Variants in NSD1 observed in about 807,000 individuals in gnomAD.
The protein encoded by NSD1 is nuclear receptor binding SET domain protein 1, also known as histone-lysine N-methyltransferase, H3 lysine-36 specific.
Under a neutral mutation model 242.7 loss-of-function variants are expected in NSD1, and 26 were observed. That is an observed-to-expected ratio of 0.11 (90% CI 0.08 to 0.15). NSD1 has a LOEUF of 0.15. NSD1 is among the 10% of genes least tolerant of loss of function. NSD1 has a pLI of 1.00. For missense variants in NSD1, 2,495 were observed against 3,272.8 expected (o/e 0.76, Z 5.80); for synonymous variants, 1,106 against 1,178.1 (o/e 0.94, Z 1.25).
chr5:177,267,517 C>G lies in NSD1; in HGVS notation c.5147-45C>G, dbSNP rs201065957. On this transcript the variant is annotated intron_variant, in intron 14 of 22. Coordinates refer to ENST00000439151, the MANE Select transcript of NSD1 (RefSeq NM_022455.5). ...TGTGTATGGATGTACACATACATGA[C>G]TTGCAGTCTTGTGATCTGAATGCCA... 957 of 1,572,652 alleles carry G rather than the reference C, an allele frequency of 6.1e-4. 6 individuals carry two copies. Among genetic ancestry groups the G allele is most frequent in the African/African-American group, 1.2e-3 (90 of 74,250 alleles).
intron 4 of NSD1, among the ~76,000 whole-genome samples, chr5:177,207,805 C>T (rs964737236): frequency 1.3e-5 from 2 of 151,362 alleles, no homozygotes; most frequent in African/African-American, 2.4e-5. Flanking sequence ...TGCAGTGGCA[C>T]GGTTTCGGCA....
intron 3 of NSD1, among the ~76,000 whole-genome samples, chr5:177,200,863 T>C (rs1362566252): frequency 6.6e-6 from 1 of 152,188 alleles, no homozygotes; most frequent in African/African-American, 2.4e-5. Flanking sequence ...CTGAACAGTG[T>C]TTCTATAAAC....
chr5:177,169,170 G>T (rs1759481610), intron 2 of NSD1, among the ~76,000 whole-genome samples: 1 of 152,112 alleles, frequency 6.6e-6, no homozygotes, highest in Admixed American at 6.6e-5. Flanking sequence ...CCTTTTTTTG[G>T]TGCAAGTTTG....
Position 177,259,985 on chromosome 5 carries a change from T to G in NSD1, c.4967-4T>G, listed in dbSNP as rs768460967. 1.9e-6 allele frequency: 3 copies of G among 1,614,226 alleles called. No individual in the cohort carries two copies. The South Asian group carries it at 3.3e-5, about 18-fold the overall frequency. On this transcript the variant is annotated splice_region_variant and splice_polypyrimidine_tract_variant and intron_variant, in intron 13 of 22. Coordinates refer to ENST00000439151, the MANE Select transcript of NSD1 (RefSeq NM_022455.5). ...TTTGCTTGTCCCTGATTTTCCTGCT[T>G]TAGGTCGGTTGATGCGCTGTGTCCG...
chr5:177,237,394 T>C (rs929934152), intron 6 of NSD1, among the ~76,000 whole-genome samples: 6 of 151,908 alleles, frequency 3.9e-5, no homozygotes, highest in Non-Finnish European at 5.9e-5. Flanking sequence ...ATTGGAGACA[T>C]TAGAGCAGTC....
At position 177,278,764 on chromosome 5, in the gene NSD1, G is replaced by A. The variant is rs145321523; in HGVS notation, c.5623-1801G>A. Among the ~76,000 whole-genome samples, 421 of 152,304 alleles carry A rather than the reference G, an allele frequency of 2.8e-3. 3 individuals carry two copies. Among genetic ancestry groups the A allele is most frequent in the African/African-American group, 9.5e-3 (396 of 41,546 alleles). On this transcript the variant is annotated intron_variant, in intron 17 of 22. Coordinates refer to ENST00000439151, the MANE Select transcript of NSD1 (RefSeq NM_022455.5). ...TTCAAAATCACACAGTTCCTGAACA[G>A]TCAAAATTTTTTGTGCGGTTTGTGT...
chr5:177,208,485 TTC>T (rs1763070128), intron 4 of NSD1, among the ~76,000 whole-genome samples: 1 of 151,878 alleles, frequency 6.6e-6, no homozygotes, highest in African/African-American at 2.4e-5. Flanking sequence ...TAACCTTTTT[TTC>T]TTTTTCTTTT....
At chr5:177,245,446 A>G (rs1280033874) in intron 9 of NSD1, among the ~76,000 whole-genome samples, 1 of 152,102 alleles carries the variant, frequency 6.6e-6, no homozygotes, top group Non-Finnish European at 1.5e-5. Context: ...GAGCTTCTCC[A>G]ACTCAATCAG....
intron 13 of NSD1, among the ~76,000 whole-genome samples, chr5:177,257,476 C>T (rs1341976011): frequency 2.6e-5 from 4 of 152,036 alleles, no homozygotes; most frequent in African/African-American, 9.7e-5. Context: ...CGTGATCCAC[C>T]TGCCTCGGCC....
At position 177,133,828 on chromosome 5, in the gene NSD1, G is replaced by T; in HGVS notation, c.-142G>T. 1 of 149,738 alleles carries T rather than the reference G, an allele frequency of 6.7e-6. No individual in the cohort carries two copies. Among genetic ancestry groups the T allele is most frequent in the Non-Finnish European group, 1.5e-5 (1 of 67,138 alleles). 9.3% of individuals were successfully genotyped at this position (149,738 alleles called of 1,614,324 possible). ...CGCGCTCGCTGCCTTCTCCCCTGAA[G>T]AGAGACGCGGGGGGAGGGGGGTGCG... On this transcript the variant is annotated 5_prime_UTR_variant, in exon 1 of 23. Transcript: ENST00000439151. The surrounding 1 kb of genome is among the most constrained non-coding windows in gnomAD (Gnocchi z 6.2).
chr5:177,238,583 TA>T lies in NSD1; in HGVS notation c.4192+79del. 1 of 1,525,124 alleles carries T rather than the reference TA, an allele frequency of 6.6e-7. No individual in the cohort carries two copies. The highest frequency in any genetic ancestry group is 9.0e-7 in the Non-Finnish European group (1 of 1,111,712). 94.5% of individuals were successfully genotyped at this position (1,525,124 alleles called of 1,614,324 possible). A position where few individuals can be genotyped will look rare whatever the true frequency, so the allele number is the denominator to read the frequency against. Reference sequence around the variant, plus strand: ...CAGGAGATTTTAGTATGTTTTGATGTAAAGCCAACATTGTATCTATATACAA... The same window carrying T: ...CAGGAGATTTTAGTATGTTTTGATGTAAGCCAACATTGTATCTATATACAA... On this transcript the variant is annotated intron_variant, in intron 7 of 22. Coordinates refer to ENST00000439151, the MANE Select transcript of NSD1 (RefSeq NM_022455.5). This position sits in a 1 kb window ranked among gnomAD's most constrained non-coding sequence, Gnocchi z 4.6.
At chr5:177,197,909 T>G (rs982306450) in intron 3 of NSD1, among the ~76,000 whole-genome samples, 1 of 152,162 alleles carries the variant, frequency 6.6e-6, no homozygotes, top group African/African-American at 2.4e-5. Flanking sequence ...TTGGACTGAT[T>G]TGAGGCAATG....
At chr5:177,196,572 T>G (rs1034501179) in intron 3 of NSD1, among the ~76,000 whole-genome samples, 5 of 152,212 alleles carry the variant, frequency 3.3e-5, no homozygotes, top group African/African-American at 1.2e-4. Context: ...CGTTTTTAGC[T>G]TCATCACTGG....
chr5:177,144,917 C>T (rs894598062), intron 2 of NSD1, among the ~76,000 whole-genome samples: 4 of 151,740 alleles, frequency 2.6e-5, no homozygotes, highest in African/African-American at 7.3e-5. Context: ...CCTGTCTCTA[C>T]TGAAAATACA....
At chr5:177,281,331 G>A (rs1758858332) in intron 18 of NSD1, among the ~76,000 whole-genome samples, 1 of 68,852 alleles carries the variant, frequency 1.5e-5, no homozygotes, top group South Asian at 4.2e-4. Context: ...ATATTGTATA[G>A]TCTTTTTTTT....
intron 5 of NSD1, among the ~76,000 whole-genome samples, chr5:177,234,798 T>C (rs1765316245): frequency 6.6e-6 from 1 of 152,182 alleles, no homozygotes; most frequent in Non-Finnish European, 1.5e-5. Context: ...AGGAAACATT[T>C]TAAAAAGCTA....
intron 17 of NSD1, among the ~76,000 whole-genome samples, chr5:177,274,162 A>T (rs1372793009): frequency 6.6e-6 from 1 of 152,200 alleles, no homozygotes; most frequent in Non-Finnish European, 1.5e-5. Flanking sequence ...TCCAAAAAAA[A>T]GAAGAAAAAA....
chr5:177,157,335 C>T (rs372177732), intron 2 of NSD1, among the ~76,000 whole-genome samples: 1 of 151,900 alleles, frequency 6.6e-6, no homozygotes, highest in African/African-American at 2.4e-5. Context: ...TGTTGCACTC[C>T]AGCCTGGGCA....
At chr5:177,138,395 AC>A (rs1756528243) in intron 2 of NSD1, among the ~76,000 whole-genome samples, 1 of 152,006 alleles carries the variant, frequency 6.6e-6, no homozygotes, top group African/African-American at 2.4e-5. Context: ...AGCTGGGACT[AC>A]AGGTGTGCAC....
Sources: gnomAD v4.1 joint callset for allele counts (sites outside exome capture counted in the v4.1 genomes callset) on GRCh38, gnomAD v4.1.1 for gene constraint, Gnocchi (gnomAD v3.1) non-coding constraint, MANE v1.5 for transcripts, NCBI Gene and HGNC (gene_info 2026-07-23, HGNC 2026-07-21) for gene names.